Variants in MIPEP observed in about 807,000 individuals in gnomAD.
MIPEP encodes mitochondrial intermediate peptidase.
Under a neutral mutation model 90.3 loss-of-function variants are expected in MIPEP, and 79 were observed. The ratio of observed to expected loss-of-function variants is 0.87; its 90% CI spans 0.73 to 1.05. The LOEUF (loss-of-function observed/expected upper bound fraction) is 1.05, where lower values mean the gene tolerates loss of function less well. Among genes scored for constraint, MIPEP ranks in the 50% least tolerant of loss-of-function variants. The pLI is 0.00. For synonymous variants in MIPEP, 334 were observed against 315.8 expected (o/e 1.06, Z -0.61); for missense variants, 940 against 905.6 (o/e 1.04, Z -0.49).
intron 4 of MIPEP, among the ~76,000 whole-genome samples, chr13:23,877,321 T>G (rs1380689476): frequency 6.6e-6 from 1 of 152,218 alleles, no homozygotes; most frequent in African/African-American, 2.4e-5. Flanking sequence ...TTCCTAGGTG[T>G]TGTGTATGTT....
intron 16 of MIPEP, among the ~76,000 whole-genome samples, chr13:23,804,082 TG>T (rs1953079112): frequency 6.6e-6 from 1 of 152,142 alleles, no homozygotes. Flanking sequence ...AAATTAAAAG[TG>T]ATTTATGGAT....
chr13:23,833,757 G>A (rs1035505560), intron 14 of MIPEP, among the ~76,000 whole-genome samples: 23 of 152,220 alleles, frequency 1.5e-4, no homozygotes, highest in African/African-American at 5.1e-4. Flanking sequence ...ACTGTGCAAG[G>A]CTCCTGGTCC....
intron 18 of MIPEP, among the ~76,000 whole-genome samples, chr13:23,737,291 A>C (rs1468563359): frequency 2.0e-5 from 3 of 152,186 alleles, no homozygotes; most frequent in Admixed American, 1.3e-4. Context: ...CAGGACAGGC[A>C]CTCATGTAAC....
chr13:23,821,343 G>A (rs896792665), intron 14 of MIPEP, among the ~76,000 whole-genome samples: 8 of 152,186 alleles, frequency 5.3e-5, no homozygotes, highest in African/African-American at 1.4e-4. Context: ...TTATACTTCA[G>A]ATAATTTATG....
chr13:23,831,867 G>A (rs565776254), intron 14 of MIPEP, among the ~76,000 whole-genome samples: 2 of 152,290 alleles, frequency 1.3e-5, no homozygotes, highest in South Asian at 2.1e-4. Flanking sequence ...AGACTGCACG[G>A]TGAAGGTGCT....
chr13:23,809,815 C>T (rs1175468854), intron 15 of MIPEP, 35 bp downstream of exon 15: 1 of 1,353,304 alleles, frequency 7.4e-7, no homozygotes, highest in Non-Finnish European at 1.0e-6. Flanking sequence ...GGGATAATGA[C>T]TCCGGAAAAC....
intron 16 of MIPEP, among the ~76,000 whole-genome samples, chr13:23,789,717 G>A (rs1952881608): frequency 6.6e-6 from 1 of 152,186 alleles, no homozygotes; most frequent in Non-Finnish European, 1.5e-5. Context: ...TGCCCTTCTT[G>A]TTGACCCTCA....
chr13:23,807,493 C>G (rs908553636), intron 15 of MIPEP, among the ~76,000 whole-genome samples: 4 of 152,166 alleles, frequency 2.6e-5, no homozygotes, highest in African/African-American at 9.7e-5. Context: ...CTGGCTGCAT[C>G]TAGATATAGA....
At chr13:23,818,953 A>T (rs1247363927) in intron 14 of MIPEP, among the ~76,000 whole-genome samples, 1 of 152,224 alleles carries the variant, frequency 6.6e-6, no homozygotes, top group Non-Finnish European at 1.5e-5. Context: ...TTGACCAAAA[A>T]AAACATTAGA....
intron 1 of MIPEP, among the ~76,000 whole-genome samples, chr13:23,887,293 G>A (rs1446411623): frequency 6.6e-6 from 1 of 152,186 alleles, no homozygotes; most frequent in East Asian, 1.9e-4. Flanking sequence ...CACTCAGGAA[G>A]GCAGGGGGAA....
chr13:23,772,291 T>C (rs1189401763), intron 16 of MIPEP, among the ~76,000 whole-genome samples: 1 of 145,940 alleles, frequency 6.9e-6, no homozygotes, highest in Non-Finnish European at 1.5e-5. Context: ...AAATTCCTGA[T>C]GCAAGAGTTT....
intron 9 of MIPEP, among the ~76,000 whole-genome samples, 170 bp from the exon 10 acceptor site, chr13:23,859,082 A>AT (rs1414574616): frequency 4.6e-5 from 7 of 152,174 alleles, no homozygotes; most frequent in Non-Finnish European, 8.8e-5. Context: ...CTGGCTCCTT[A>AT]TTTTGACTTC....
intron 16 of MIPEP, among the ~76,000 whole-genome samples, chr13:23,786,533 A>C (rs182003960): frequency 6.6e-6 from 1 of 152,226 alleles, no homozygotes; most frequent in African/African-American, 2.4e-5. Context: ...ACGTATATCA[A>C]GAAGGATAAA....
intron 10 of MIPEP, among the ~76,000 whole-genome samples, chr13:23,849,247 C>T (rs1869692873): frequency 6.6e-6 from 1 of 152,170 alleles, no homozygotes; most frequent in Admixed American, 6.5e-5. Flanking sequence ...TCTAGAGACC[C>T]AAGACAGTGG....
At chr13:23,880,075 G>T (rs920477034) in intron 3 of MIPEP, among the ~76,000 whole-genome samples, 1 of 152,142 alleles carries the variant, frequency 6.6e-6, no homozygotes, top group Non-Finnish European at 1.5e-5. Context: ...GGTCTTCAAG[G>T]AGGGATAAGG....
At chr13:23,813,333 C>T (rs1383939264) in intron 14 of MIPEP, among the ~76,000 whole-genome samples, 3 of 152,048 alleles carry the variant, frequency 2.0e-5, no homozygotes, top group Admixed American at 6.6e-5. Flanking sequence ...GAACTGGTTC[C>T]GGGACCTCCT....
rs1023304409 is a variant in MIPEP, at chr13:23,837,358, T to C, written c.1543+194A>G. Among the ~76,000 whole-genome samples the C allele has an allele frequency of 5.3e-5, 8 of 152,236 alleles. No homozygotes were observed. In the East Asian group the frequency reaches 1.4e-3, roughly 26 times the overall value. On this transcript the variant is annotated intron_variant, in intron 13 of 18. Coordinates refer to ENST00000382172, the MANE Select transcript of MIPEP (RefSeq NM_005932.4). ...GAGATTATTCCCTGGTGAAAGCTGT[T>C]AGCAAGCATGGAAAAAAGCATGGAA...
At chr13:23,882,068 TTTC>T (rs202087653) in intron 2 of MIPEP, among the ~76,000 whole-genome samples, 4,942 of 147,134 alleles carry the variant, frequency 0.034, 197 homozygotes, top group African/African-American at 0.11. Flanking sequence ...AAATTCTTTC[TTTC>T]TTTTTTTTTT....
intron 14 of MIPEP, among the ~76,000 whole-genome samples, chr13:23,817,755 G>A (rs1953257554): frequency 2.0e-5 from 3 of 152,072 alleles, no homozygotes; most frequent in Admixed American, 6.6e-5. Context: ...TGTGATTCAG[G>A]TATGCTGCCC....
Sources: gnomAD v4.1 joint callset for allele counts (sites outside exome capture counted in the v4.1 genomes callset) on GRCh38, gnomAD v4.1.1 for gene constraint, MANE v1.5 for transcripts, NCBI Gene and HGNC (gene_info 2026-07-23, HGNC 2026-07-21) for gene names.